EPHA3: variants seen among roughly 807,000 people sequenced by gnomAD.
The protein encoded by EPHA3 is EPH receptor A3.
In EPHA3, 42 loss-of-function variants were observed where a neutral mutation model predicts 107.1. That is an observed-to-expected ratio of 0.39 (90% CI 0.31 to 0.51). The LOEUF is 0.51. Among genes scored for constraint, EPHA3 ranks in the 20% least tolerant of loss-of-function variants. The pLI is 0.78. For synonymous variants in EPHA3, 461 were observed against 424.8 expected (o/e 1.09, Z -1.05); for missense variants, 1,183 against 1,211.2 (o/e 0.98, Z 0.35).
rs146645257 is a variant in EPHA3, at chr3:89,209,703, A to G, written c.154-157A>G. On this transcript the variant is annotated intron_variant, in intron 2 of 16. Transcript: ENST00000336596. ...CAAAATTATAAATTACTTTATGTCCATTAACTCAGAGAACCTTGCAAATAA... is the reference window on the plus strand; with the variant it reads ...CAAAATTATAAATTACTTTATGTCCGTTAACTCAGAGAACCTTGCAAATAA... Among the ~76,000 whole-genome samples, 1,363 of 152,326 alleles carry G rather than the reference A, an allele frequency of 8.9e-3. 11 individuals carry two copies. Among genetic ancestry groups the G allele is most frequent in the African/African-American group, 0.024 (999 of 41,584 alleles).
chr3:89,423,631 A>G (rs1234825561), intron 11 of EPHA3, among the ~76,000 whole-genome samples: 1 of 151,450 alleles, frequency 6.6e-6, no homozygotes, highest in Non-Finnish European at 1.5e-5. Context: ...TGTCTGTCTA[A>G]GTAACCACAT....
At chr3:89,251,274 A>C (rs1257556899) in intron 3 of EPHA3, among the ~76,000 whole-genome samples, 1 of 152,120 alleles carries the variant, frequency 6.6e-6, no homozygotes, top group African/African-American at 2.4e-5. Context: ...ACCCTCTTGA[A>C]TATAAATCTG....
chr3:89,155,995 A>C (rs1247481294), intron 2 of EPHA3, among the ~76,000 whole-genome samples: 1 of 152,062 alleles, frequency 6.6e-6, no homozygotes, highest in African/African-American at 2.4e-5. Flanking sequence ...AAGAAATAAC[A>C]GTCTTTATGT....
chr3:89,169,431 A>G (rs1705159625), intron 2 of EPHA3, among the ~76,000 whole-genome samples: 1 of 152,216 alleles, frequency 6.6e-6, no homozygotes, highest in Admixed American at 6.5e-5. Flanking sequence ...TCTGTTACTT[A>G]TAACCATGAC....
chr3:89,468,456 G>A lies in EPHA3; in HGVS notation c.2691-4008G>A, dbSNP rs144551479. Among the ~76,000 whole-genome samples the A allele has an allele frequency of 8.4e-3, 1,282 of 152,214 alleles. 30 individuals are homozygous for A. The highest frequency in any genetic ancestry group is 0.029 in the African/African-American group (1,190 of 41,522). ...CTGAGAAGAAAGAATTCTGCATTTT[G>A]CTATTAGGCACACTTCATAAATATT... On this transcript the variant is annotated intron_variant, in intron 15 of 16. Coordinates refer to ENST00000336596, the MANE Select transcript of EPHA3 (RefSeq NM_005233.6).
intron 3 of EPHA3, among the ~76,000 whole-genome samples, chr3:89,248,504 C>T (rs919839378): frequency 6.6e-6 from 1 of 152,132 alleles, no homozygotes; most frequent in Non-Finnish European, 1.5e-5. Context: ...TATTTAATAT[C>T]GTGAATTCTT....
At chr3:89,172,732 C>T (rs1438464247) in intron 2 of EPHA3, among the ~76,000 whole-genome samples, 5 of 152,146 alleles carry the variant, frequency 3.3e-5, no homozygotes, top group Non-Finnish European at 7.4e-5. Flanking sequence ...ATTAATACTT[C>T]ACTCAGAAAG....
At chr3:89,454,582 T>G (rs2107559844) in intron 15 of EPHA3, among the ~76,000 whole-genome samples, 1 of 152,322 alleles carries the variant, frequency 6.6e-6, no homozygotes, top group African/African-American at 2.4e-5. Flanking sequence ...ACATTTTTTT[T>G]GCACAGCCTC....
chr3:89,329,328 A>G (rs753787385), intron 3 of EPHA3, among the ~76,000 whole-genome samples: 2 of 152,036 alleles, frequency 1.3e-5, no homozygotes, highest in African/African-American at 4.8e-5. Context: ...CTGAATACAG[A>G]TGGCCAAGTC....
At chr3:89,127,818 G>A (rs1704123640) in intron 2 of EPHA3, among the ~76,000 whole-genome samples, 1 of 151,994 alleles carries the variant, frequency 6.6e-6, no homozygotes, top group African/African-American at 2.4e-5. Flanking sequence ...CTGCCTTTAA[G>A]TTTTAAACTT....
intron 15 of EPHA3, among the ~76,000 whole-genome samples, chr3:89,460,748 C>G (rs1343848857): frequency 1.4e-5 from 2 of 145,618 alleles, no homozygotes; most frequent in East Asian, 2.0e-4. Flanking sequence ...TGACTTTGCT[C>G]AGTGAATAAA....
chr3:89,451,220 A>G (rs1709983693), intron 15 of EPHA3, among the ~76,000 whole-genome samples: 1 of 152,160 alleles, frequency 6.6e-6, no homozygotes, highest in Non-Finnish European at 1.5e-5. Flanking sequence ...AATTTTATGC[A>G]TATTCTTTTA....
intron 3 of EPHA3, among the ~76,000 whole-genome samples, chr3:89,297,178 T>A (rs1706373713): frequency 6.6e-6 from 1 of 152,212 alleles, no homozygotes; most frequent in African/African-American, 2.4e-5. Context: ...TACCTTCAAT[T>A]TCCTTCAAGA....
At chr3:89,343,522 A>G (rs1375485057) in intron 5 of EPHA3, among the ~76,000 whole-genome samples, 1 of 152,122 alleles carries the variant, frequency 6.6e-6, no homozygotes, top group Admixed American at 6.5e-5. Flanking sequence ...GGGTATACAG[A>G]GCCTTTGGCT....
chr3:89,201,613 G>A (rs1305341761), intron 2 of EPHA3, among the ~76,000 whole-genome samples: 4 of 152,002 alleles, frequency 2.6e-5, no homozygotes, highest in African/African-American at 4.8e-5. Context: ...CCACTGTCTC[G>A]CAGCTATTCA....
chr3:89,216,147 T>C (rs921425650), intron 3 of EPHA3, among the ~76,000 whole-genome samples: 1 of 151,950 alleles, frequency 6.6e-6, no homozygotes, highest in African/African-American at 2.4e-5. Flanking sequence ...AAGCAGTTTA[T>C]TTGTTTGAGA....
intron 5 of EPHA3, among the ~76,000 whole-genome samples, chr3:89,350,002 G>A (rs1413532727): frequency 6.7e-6 from 1 of 150,250 alleles, no homozygotes; most frequent in East Asian, 1.9e-4. Context: ...AGTCTGATGG[G>A]CTTCCCTTTG....
chr3:89,341,711 A>G (rs1489342250), intron 4 of EPHA3, 44 bp from the exon 5 acceptor site: 7 of 1,463,622 alleles, frequency 4.8e-6, no homozygotes, highest in Non-Finnish European at 6.5e-6. Context: ...TTGTAGTAGA[A>G]AACAGAAGTG....
rs116347092 is a variant in EPHA3, at chr3:89,410,059, A to G, written c.1762+1928A>G. Among the ~76,000 whole-genome samples, 1,430 of 152,076 alleles carry G rather than the reference A, an allele frequency of 9.4e-3. 24 individuals are homozygous for G. Among genetic ancestry groups the G allele is most frequent in the African/African-American group, 0.033 (1,366 of 41,528 alleles). ...GGTGTGAAGGGATTATGTGCCTCGCAGCCTGAATCACCTGATTCCTGGAAT... is the reference window on the plus strand; with the variant it reads ...GGTGTGAAGGGATTATGTGCCTCGCGGCCTGAATCACCTGATTCCTGGAAT... On this transcript the variant is annotated intron_variant, in intron 9 of 16. Coordinates refer to ENST00000336596, the MANE Select transcript of EPHA3 (RefSeq NM_005233.6).
Sources: gnomAD v4.1 joint callset for allele counts (sites outside exome capture counted in the v4.1 genomes callset) on GRCh38, gnomAD v4.1.1 for gene constraint, MANE v1.5 for transcripts, NCBI Gene and HGNC (gene_info 2026-07-23, HGNC 2026-07-21) for gene names.